PTPRD: variants seen among roughly 807,000 people sequenced by gnomAD.
PTPRD encodes the protein receptor-type tyrosine-protein phosphatase delta.
A neutral mutation model predicts 214.5 loss-of-function variants in PTPRD; 34 were observed. The observed-to-expected ratio is 0.16, with a 90% CI of 0.12 to 0.21. PTPRD has a LOEUF of 0.21. Ranked by LOEUF, PTPRD falls within the 10% of genes least tolerant of loss-of-function variation. The pLI is 1.00. For synonymous variants in PTPRD, 1,128 were observed against 845.7 expected (o/e 1.33, Z -5.79); for missense variants, 2,545 against 2,398.7 (o/e 1.06, Z -1.27).
intron 11 of PTPRD, among the ~76,000 whole-genome samples, chr9:8,748,019 G>T (rs1270449971): frequency 1.3e-5 from 2 of 152,078 alleles, no homozygotes; most frequent in African/African-American, 4.8e-5. Flanking sequence ...GATCTACCGC[G>T]GACCCCTGGA....
At chr9:9,664,140 G>C (rs977833780) in intron 7 of PTPRD, among the ~76,000 whole-genome samples, 2 of 146,248 alleles carry the variant, frequency 1.4e-5, no homozygotes, top group African/African-American at 2.5e-5. Flanking sequence ...GAAGAGCTAT[G>C]AGTTACACGT....
rs1449458273 is a variant in PTPRD at position 8,436,574 on chromosome 9, A to G, written c.4086+18T>C. On this transcript the variant is annotated intron_variant, in intron 35 of 45. Coordinates refer to ENST00000381196, the MANE Select transcript of PTPRD (RefSeq NM_002839.4). Reference sequence around the variant, plus strand: ...GTAACTCTTGAAATTACTGTAAAGAATAAACACAGTGAATTACCTCATATT... The same window carrying G: ...GTAACTCTTGAAATTACTGTAAAGAGTAAACACAGTGAATTACCTCATATT... The G allele has an allele frequency of 1.3e-6, 2 of 1,572,544 alleles. No homozygotes were observed. The highest frequency in any genetic ancestry group is 1.7e-5 in the Admixed American group (1 of 59,906).
intron 2 of PTPRD, among the ~76,000 whole-genome samples, chr9:10,353,937 T>C (rs988745744): frequency 2.0e-5 from 3 of 152,078 alleles, no homozygotes; most frequent in Non-Finnish European, 4.4e-5. Flanking sequence ...AAAAATCAAT[T>C]GAGTAAATTT....
At chr9:9,360,971 C>G (rs2055905568) in intron 9 of PTPRD, among the ~76,000 whole-genome samples, 1 of 151,126 alleles carries the variant, frequency 6.6e-6, no homozygotes, top group Non-Finnish European at 1.5e-5. Context: ...AAAGAAAGAA[C>G]TGCAGTGCCA....
At chr9:8,507,635 T>C (rs762393996) in intron 21 of PTPRD, among the ~76,000 whole-genome samples, 18 of 151,310 alleles carry the variant, frequency 1.2e-4, no homozygotes, top group Non-Finnish European at 2.5e-4. Flanking sequence ...TCTGGAGTAG[T>C]AGAACATCTA....
chr9:10,584,599 A>G (rs954578277), intron 2 of PTPRD, among the ~76,000 whole-genome samples: 1 of 152,144 alleles, frequency 6.6e-6, no homozygotes, highest in African/African-American at 2.4e-5. Context: ...CAGCTCTTGT[A>G]AAGGATTTAC....
chr9:9,062,714 C>A (rs16928849), intron 10 of PTPRD, among the ~76,000 whole-genome samples: 9,163 of 152,134 alleles, frequency 0.06, 297 homozygotes, highest in Middle Eastern at 0.13. Flanking sequence ...AGCCTGAACA[C>A]TTTAAAACAT....
chr9:9,963,602 T>G (rs957773695), intron 4 of PTPRD, among the ~76,000 whole-genome samples: 2 of 152,120 alleles, frequency 1.3e-5, no homozygotes, highest in Non-Finnish European at 2.9e-5. Context: ...AAAGGCAGCA[T>G]AAAATATGCA....
intron 10 of PTPRD, among the ~76,000 whole-genome samples, chr9:9,080,136 A>G (rs1032454351): frequency 6.6e-6 from 1 of 152,018 alleles, no homozygotes; most frequent in Non-Finnish European, 1.5e-5. Flanking sequence ...CCCTGAATGC[A>G]TTATATTACT....
At chr9:9,698,947 G>A (rs1387758131) in intron 7 of PTPRD, among the ~76,000 whole-genome samples, 2 of 152,148 alleles carry the variant, frequency 1.3e-5, no homozygotes, top group Non-Finnish European at 1.5e-5. Context: ...TATATTGCTA[G>A]AAGTTCGGTA....
At chr9:9,099,840 G>T (rs939882610) in intron 10 of PTPRD, among the ~76,000 whole-genome samples, 1 of 152,156 alleles carries the variant, frequency 6.6e-6, no homozygotes, top group Admixed American at 6.5e-5. Context: ...CAAACTCATT[G>T]CTTTTGCAAT....
intron 33 of PTPRD, 123 bp downstream of exon 33, chr9:8,460,288 T>C: frequency 3.4e-6 from 4 of 1,166,970 alleles, no homozygotes; most frequent in South Asian, 1.3e-5. Flanking sequence ...TTTCCAAAAA[T>C]AATTGAAATG....
chr9:9,276,772 G>C, intron 9 of PTPRD, among the ~76,000 whole-genome samples: 1 of 151,262 alleles, frequency 6.6e-6, no homozygotes. Flanking sequence ...TGGTGTAAGG[G>C]GGCTATGACG....
intron 11 of PTPRD, among the ~76,000 whole-genome samples, chr9:8,738,599 G>C (rs1432806712): frequency 2.0e-5 from 3 of 151,264 alleles, no homozygotes; most frequent in African/African-American, 4.9e-5. Flanking sequence ...TCAGCTAAAT[G>C]TAGGGAAATC....
chr9:8,707,992 G>C (rs1471345525), intron 12 of PTPRD, among the ~76,000 whole-genome samples: 1 of 152,108 alleles, frequency 6.6e-6, no homozygotes, highest in Non-Finnish European at 1.5e-5. Context: ...ATGGATAAAA[G>C]GCATTAAGAT....
chr9:9,024,203 C>T (rs931441165), intron 10 of PTPRD, among the ~76,000 whole-genome samples: 10 of 151,746 alleles, frequency 6.6e-5, no homozygotes, highest in African/African-American at 2.4e-4. Context: ...TTTACTTACT[C>T]TTCCATGAGT....
intron 5 of PTPRD, among the ~76,000 whole-genome samples, chr9:9,832,898 T>C (rs1355521268): frequency 6.6e-6 from 1 of 151,564 alleles, no homozygotes; most frequent in African/African-American, 2.4e-5. Context: ...TCTATGTTTT[T>C]TTTTTTCCCA....
At chr9:8,468,392 A>T (rs767314685) in intron 31 of PTPRD, among the ~76,000 whole-genome samples, 3 of 152,146 alleles carry the variant, frequency 2.0e-5, no homozygotes, top group Middle Eastern at 6.8e-3. Context: ...CCTGCTCTGA[A>T]TTAAATATCA....
chr9:9,678,898 C>G (rs1039251768), intron 7 of PTPRD, among the ~76,000 whole-genome samples: 1 of 151,628 alleles, frequency 6.6e-6, no homozygotes, highest in African/African-American at 2.4e-5. Context: ...AGTGGCAGTT[C>G]AAAAATCACT....
Sources: gnomAD v4.1 joint callset for allele counts (sites outside exome capture counted in the v4.1 genomes callset) on GRCh38, gnomAD v4.1.1 for gene constraint, MANE v1.5 for transcripts, NCBI Gene and HGNC (gene_info 2026-07-23, HGNC 2026-07-21) for gene names.